ZNF732: variants seen among roughly 807,000 people sequenced by gnomAD.
ZNF732 encodes zinc finger protein LOC654254.
Under a neutral mutation model 11.5 loss-of-function variants are expected in ZNF732, and 12 were observed. That is an observed-to-expected ratio of 1.05 (90% confidence interval 0.67 to 1.70). The LOEUF (loss-of-function observed/expected upper bound fraction) is 1.70, where lower values mean the gene tolerates loss of function less well. Among genes scored for constraint, ZNF732 ranks in the 40% most tolerant of loss-of-function variants. The pLI is 0.00. For missense variants in ZNF732, 702 were observed against 676.9 expected, an observed-to-expected ratio of 1.04 and a Z score of -0.41; for synonymous variants, 231 against 236.5, an observed-to-expected ratio of 0.98 and a Z score of 0.21.
rs561073943 is a variant in ZNF732 at position 271,115 on chromosome 4, G to A, written c.1742C>T (p.Thr581Ile). ...SYLNQHNKIY[T>I]GEKL The stretch of plus-strand genomic sequence containing the variant: ...TTCATATTTCTAGAGTTTCTCTCCA[G>A]TATAAATTTTATTATGTTGATTAAG... Residue 581 changes from threonine (T) to isoleucine (I), a missense_variant, in exon 4 of 4, where the codon ACT becomes ATT. Around this residue, in one of 3 missense-constraint regions of ZNF732, gnomAD observed 94 missense variants for 87.5 expected, o/e 1.07. Coordinates refer to ENST00000419098, the MANE Select transcript of ZNF732 (RefSeq NM_001137608.3). 9.7e-5 allele frequency: 147 copies of A among 1,514,840 alleles called. 1 individual carries two copies. The South Asian group carries it at 1.5e-3, about 15-fold the overall frequency. 93.8% of individuals were successfully genotyped at this position (1,514,840 alleles called of 1,614,324 possible). A position where few individuals can be genotyped will look rare whatever the true frequency, so the allele number is the denominator to read the frequency against.
At chr4:277,561 A>G (rs577378272) in intron 3 of ZNF732, among the ~76,000 whole-genome samples, 2 of 152,136 alleles carry the variant, frequency 1.3e-5, no homozygotes, top group African/African-American at 2.4e-5. Context: ...AAACCACAAT[A>G]TAAGACTTGA....
At chr4:272,721 A>G (rs1719416319) in intron 3 of ZNF732, 91 bp from the exon 4 acceptor site, 1 of 1,210,756 alleles carries the variant, frequency 8.3e-7, no homozygotes, top group African/African-American at 1.5e-5. Flanking sequence ...AAAGTACATT[A>G]GTAAGATGGC....
Position 305,443 on chromosome 4 carries a change from A to G in ZNF732, c.-133T>C. 7.6e-7 allele frequency: 1 copy of G among 1,309,326 alleles called. No homozygotes were observed. The highest frequency in any genetic ancestry group is 1.0e-6 in the Non-Finnish European group (1 of 952,548). The allele number at this position is 1,309,326 out of a possible 1,614,324, so 81.1% of individuals were successfully genotyped here. A position where few individuals can be genotyped will look rare whatever the true frequency, so the allele number is the denominator to read the frequency against. On this transcript the variant is annotated 5_prime_UTR_variant, in exon 1 of 4. Transcript: ENST00000419098. ...GAGGGGTGAAAGCACGGCCGTGGAG[A>G]CCCTAACCGAGCTCACGCTGGCGCA... is the stretch of plus-strand genomic sequence containing the variant.
chr4:271,539 G>A lies in ZNF732; in HGVS notation c.1318C>T (p.His440Tyr). 1 of 1,611,712 alleles carries A rather than the reference G, an allele frequency of 6.2e-7. No homozygotes were observed. The highest frequency in any genetic ancestry group is 8.5e-7 in the Non-Finnish European group (1 of 1,178,848). The change falls in exon 4 of 4, where the codon CAT (histidine) becomes TAT (tyrosine). Residue 440 changes from histidine (H) to tyrosine (Y), a missense_variant. Physicochemically the swap from His to Tyr is moderately conservative, Grantham distance 83. This residue lies in a region of ZNF732 where 596 missense variants were observed against 557.9 expected (regional missense o/e 1.07). Coordinates refer to ENST00000419098, the MANE Select transcript of ZNF732 (RefSeq NM_001137608.3). The part of the protein sequence containing the change: ...STDLNKHKII[H>Y]TGEKPYKCEE... ...CATTTGTAAGGTTTCTCTCCAGTAT[G>A]AATTATCTTATGTTTATTCAGGTCT... is the stretch of plus-strand genomic sequence containing the variant.
At chr4:304,673 G>C (rs1464044407) in intron 1 of ZNF732, among the ~76,000 whole-genome samples, 1 of 152,136 alleles carries the variant, frequency 6.6e-6, no homozygotes, top group Non-Finnish European at 1.5e-5. Flanking sequence ...TCAATAATGT[G>C]GCAGAACTAC....
chr4:299,383 A>T (rs1401092898), intron 1 of ZNF732, among the ~76,000 whole-genome samples: 118 of 92,856 alleles, frequency 1.3e-3, no homozygotes, highest in African/African-American at 3.8e-3. Context: ...ATATATATAT[A>T]CACATATGTA....
rs1719333967 is a variant in ZNF732, at chr4:270,789, TTTC to T, written c.*307_*309del. 1.8e-6 allele frequency: 1 copy of T among 545,206 alleles called. No individual in the cohort carries two copies. Among genetic ancestry groups the T allele is most frequent in the African/African-American group, 1.9e-5 (1 of 52,544 alleles). The allele number at this position is 545,206 out of a possible 1,614,324, so 33.8% of individuals were successfully genotyped here. A position where few individuals can be genotyped will look rare whatever the true frequency, so the allele number is the denominator to read the frequency against. ...TGTAGGATTCATCTCCCATATGAATTTTCTTATGTTCACTCAGGGTTGTGGACC... is the reference window on the plus strand; with the variant it reads ...TGTAGGATTCATCTCCCATATGAATTTTATGTTCACTCAGGGTTGTGGACC... On this transcript the variant is annotated 3_prime_UTR_variant, in exon 4 of 4. Transcript: ENST00000419098.
chr4:302,835 T>C (rs549244932), intron 1 of ZNF732, among the ~76,000 whole-genome samples: 2 of 152,306 alleles, frequency 1.3e-5, no homozygotes, highest in Admixed American at 1.3e-4. Flanking sequence ...GGTGGACAAA[T>C]TGTAACGCCC....
At chr4:279,553 C>A (rs1719575591) in intron 3 of ZNF732, among the ~76,000 whole-genome samples, 1 of 151,472 alleles carries the variant, frequency 6.6e-6, no homozygotes, top group African/African-American at 2.4e-5. Flanking sequence ...TTCTTCAGGA[C>A]CTGAAGAGAA....
intron 3 of ZNF732, among the ~76,000 whole-genome samples, chr4:278,408 T>A (rs907491923): frequency 1.3e-5 from 2 of 152,222 alleles, no homozygotes; most frequent in South Asian, 2.1e-4. Flanking sequence ...TCAGATTTTT[T>A]AAATGTGACA....
At chr4:299,355 A>ACATGTG (rs1720030979) in intron 1 of ZNF732, among the ~76,000 whole-genome samples, 1 of 128,892 alleles carries the variant, frequency 7.8e-6, no homozygotes, top group African/African-American at 3.3e-5. Context: ...ATATATACAC[A>ACATGTG]TATATACACA....
intron 3 of ZNF732, among the ~76,000 whole-genome samples, chr4:277,309 T>C (rs926186608): frequency 6.6e-6 from 1 of 151,910 alleles, no homozygotes; most frequent in Non-Finnish European, 1.5e-5. Context: ...AAACTAAAAA[T>C]GCTTTGCACA....
At chr4:287,999 T>A (rs948080402) in intron 3 of ZNF732, among the ~76,000 whole-genome samples, 1 of 152,182 alleles carries the variant, frequency 6.6e-6, no homozygotes, top group South Asian at 2.1e-4. Flanking sequence ...ACAATAACCT[T>A]ATTGTGGTTT....
chr4:295,601 A>G, intron 2 of ZNF732, 68 bp from the exon 3 acceptor site: 1 of 1,271,170 alleles, frequency 7.9e-7, no homozygotes, highest in South Asian at 1.4e-5. Context: ...ATACTATACT[A>G]AGTAGAAAAG....
At chr4:287,403 C>T (rs975728740) in intron 3 of ZNF732, among the ~76,000 whole-genome samples, 4 of 150,970 alleles carry the variant, frequency 2.6e-5, no homozygotes, top group African/African-American at 7.3e-5. Flanking sequence ...TTAGTAGAGA[C>T]GGGGTTTCGC....
At chr4:281,022 A>C (rs1029125813) in intron 3 of ZNF732, among the ~76,000 whole-genome samples, 1 of 152,102 alleles carries the variant, frequency 6.6e-6, no homozygotes, top group African/African-American at 2.4e-5. Flanking sequence ...TTGACAGTGG[A>C]TCTTGACGTG....
intron 2 of ZNF732, 87 bp from the exon 3 acceptor site, chr4:295,620 T>C: frequency 8.8e-7 from 1 of 1,141,224 alleles, no homozygotes; most frequent in South Asian, 1.5e-5. Context: ...AGAGAAATTA[T>C]GGAAGATCCT....
At chr4:285,294 C>T (rs544805808) in intron 3 of ZNF732, among the ~76,000 whole-genome samples, 69 of 152,328 alleles carry the variant, frequency 4.5e-4, no homozygotes, top group Non-Finnish European at 2.2e-4. Flanking sequence ...CCCAGGCAGG[C>T]AGCTCTGACT....
intron 3 of ZNF732, among the ~76,000 whole-genome samples, chr4:279,508 C>A (rs1047320657): frequency 6.6e-6 from 1 of 150,706 alleles, no homozygotes. Flanking sequence ...ATATAAAAAT[C>A]AGTCAAAATT....
Sources: gnomAD v4.1 joint callset for allele counts (sites outside exome capture counted in the v4.1 genomes callset) on GRCh38, gnomAD v4.1.1 for gene constraint, gnomAD v4.1.1 regional missense constraint, MANE v1.5 for transcripts, NCBI Gene and HGNC (gene_info 2026-07-23, HGNC 2026-07-21) for gene names.